The following SVEP1 variants were observed in gnomAD, a reference collection of about 807,000 sequenced individuals.
SVEP1 encodes sushi, von Willebrand factor type A, EGF and pentraxin domain containing 1.
SVEP1 carries 164 observed loss-of-function variants against 367.3 expected under a neutral mutation model. The ratio of observed to expected loss-of-function variants is 0.45; its 90% confidence interval spans 0.39 to 0.51. The LOEUF (loss-of-function observed/expected upper bound fraction) is 0.51. Among genes scored for constraint, SVEP1 ranks in the 20% least tolerant of loss-of-function variants. SVEP1 has a pLI of 0.00. For missense variants in SVEP1, 4,117 were observed against 4,425.3 expected, an observed-to-expected ratio of 0.93 and a Z score of 1.98; for synonymous variants, 1,666 against 1,611.6, an observed-to-expected ratio of 1.03 and a Z score of -0.81.
At chr9:110,414,226 G>C (rs2118514484) in intron 36 of SVEP1, among the ~76,000 whole-genome samples, 2 of 152,068 alleles carry the variant, frequency 1.3e-5, no homozygotes, top group East Asian at 3.9e-4. Flanking sequence ...ATCTCTTTTA[G>C]TTTTATAAAG....
At chr9:110,429,498 T>G (rs1828316969) in intron 34 of SVEP1, among the ~76,000 whole-genome samples, 164 bp from the exon 35 acceptor site, 1 of 152,122 alleles carries the variant, frequency 6.6e-6, no homozygotes, top group African/African-American at 2.4e-5. Flanking sequence ...TTTTCAAGAT[T>G]GAATACTGTA....
intron 1 of SVEP1, among the ~76,000 whole-genome samples, chr9:110,564,704 C>A (rs554419639): frequency 6.6e-6 from 1 of 151,698 alleles, no homozygotes; most frequent in Non-Finnish European, 1.5e-5. Flanking sequence ...CATAAATAAA[C>A]CAGGATGGAG....
At chr9:110,437,973 TC>T (rs761826917) in intron 27 of SVEP1, among the ~76,000 whole-genome samples, 1 of 152,078 alleles carries the variant, frequency 6.6e-6, no homozygotes, top group Non-Finnish European at 1.5e-5. Flanking sequence ...TATAAAGAAC[TC>T]CTCTTACCTA....
chr9:110,384,434 G>A (rs2182747), intron 43 of SVEP1, among the ~76,000 whole-genome samples: 1 of 151,910 alleles, frequency 6.6e-6, no homozygotes, highest in South Asian at 2.1e-4. Flanking sequence ...TGTTCTTCTC[G>A]GTGGGAGGCT....
intron 30 of SVEP1, among the ~76,000 whole-genome samples, chr9:110,433,453 CATTTTGT>C (rs1460236166): frequency 7.2e-6 from 1 of 138,482 alleles, no homozygotes; most frequent in Non-Finnish European, 1.5e-5. Context: ...ACCTAACCCT[CATTTTGT>C]ATTACTTTTT....
intron 3 of SVEP1, among the ~76,000 whole-genome samples, chr9:110,514,525 AAAAAG>A (rs1297384198): frequency 6.6e-6 from 1 of 151,880 alleles, no homozygotes; most frequent in Non-Finnish European, 1.5e-5. Flanking sequence ...AAAAAAAAAA[AAAAAG>A]AAAGAAAGAA....
intron 46 of SVEP1, among the ~76,000 whole-genome samples, chr9:110,372,076 C>T (rs989580871): frequency 6.6e-6 from 1 of 152,180 alleles, no homozygotes; most frequent in African/African-American, 2.4e-5. Context: ...CAGCCACTCC[C>T]CTGCATTTCC....
chr9:110,492,310 TA>T (rs34728964), intron 8 of SVEP1, among the ~76,000 whole-genome samples: 4,328 of 151,788 alleles, frequency 0.029, 203 homozygotes, highest in African/African-American at 0.099. Context: ...TGAAGGGATG[TA>T]AAAAAAACTA....
chr9:110,408,632 C>T lies in SVEP1; in HGVS notation c.6968G>A (p.Cys2323Tyr). 1 of 1,613,974 alleles carries T rather than the reference C, an allele frequency of 6.2e-7. No individual in the cohort carries two copies. The highest frequency in any genetic ancestry group is 8.5e-7 in the Non-Finnish European group (1 of 1,179,904). Residue 2323 changes from cysteine to tyrosine, a missense_variant, in exon 38 of 48, where the codon TGC becomes TAC. Coordinates refer to ENST00000374469, the MANE Select transcript of SVEP1 (RefSeq NM_153366.4). ...GTTTTCCAAGAGGGGCGGCTCTGGG[C>T]ACTTGGCAGGCATGCACTTTGGATT... The part of the protein sequence containing the change: ...KSNPKCMPAK[C>Y]PEPPLLENQL...
chr9:110,434,876 T>C (rs1429118531), intron 29 of SVEP1, among the ~76,000 whole-genome samples: 6 of 151,998 alleles, frequency 3.9e-5, no homozygotes, highest in African/African-American at 1.4e-4. Flanking sequence ...CTTTTCTCCC[T>C]GTGCTACCTG....
At chr9:110,465,325 C>A (rs1013005541) in intron 18 of SVEP1, among the ~76,000 whole-genome samples, 3 of 151,946 alleles carry the variant, frequency 2.0e-5, no homozygotes, top group African/African-American at 7.3e-5. Context: ...CAATTCCCAG[C>A]CTCTACTCAG....
At chr9:110,441,869 T>A (rs1019278766) in intron 27 of SVEP1, among the ~76,000 whole-genome samples, 2 of 152,162 alleles carry the variant, frequency 1.3e-5, no homozygotes, top group Non-Finnish European at 2.9e-5. Flanking sequence ...ATCTCCCCCA[T>A]CCATCTTAAA....
At chr9:110,519,402 T>G (rs1829850522) in intron 3 of SVEP1, among the ~76,000 whole-genome samples, 1 of 152,176 alleles carries the variant, frequency 6.6e-6, no homozygotes, top group Non-Finnish European at 1.5e-5. Context: ...ACTTCTGCAT[T>G]TCTGCCTTCC....
chr9:110,449,469 G>C (rs924229433), intron 24 of SVEP1, among the ~76,000 whole-genome samples: 10 of 152,156 alleles, frequency 6.6e-5, no homozygotes, highest in Non-Finnish European at 1.5e-4. Flanking sequence ...GCTCATCTGA[G>C]GCCAGGAGTT....
intron 20 of SVEP1, chr9:110,458,055 C>T: frequency 4.4e-6 from 2 of 450,500 alleles, no homozygotes; most frequent in South Asian, 3.3e-5. Context: ...TACTTTTCCC[C>T]AAGAAATCTT....
Position 110,469,087 on chromosome 9 carries a change from C to T in SVEP1, c.3013G>A (p.Gly1005Arg). ...AAATGTTCCAGATTATAATAGGTTC[C>T]CAAAGGGCAATTGACTACAGAAAAA... ...RGRMCVNCPL[G>R]TYYNLEHFTC... Residue 1005 changes from glycine to arginine, a missense_variant, in exon 17 of 48, where the codon GGA becomes AGA. By Grantham distance (125) the Gly-to-Arg change is moderately radical (BLOSUM62 -2). This residue lies in a region of SVEP1 where 2,174 missense variants were observed against 2,494.3 expected (regional missense o/e 0.87). Transcript: ENST00000374469. 1 of 1,611,826 alleles carries T rather than the reference C, an allele frequency of 6.2e-7. No individual in the cohort carries two copies. The highest frequency in any genetic ancestry group is 8.5e-7 in the Non-Finnish European group (1 of 1,178,748).
Position 110,539,108 on chromosome 9 carries a change from T to C in SVEP1, c.964+7007A>G, listed in dbSNP as rs1035952241. Among the ~76,000 whole-genome samples the C allele has an allele frequency of 2.0e-5, 3 of 152,214 alleles. No homozygotes were observed. In the South Asian group the frequency reaches 6.2e-4, roughly 32 times the overall value. Reference sequence around the variant, plus strand: ...TTAAAATTCTGGTATTAAAGTTTACTTCTTACTGACATCCTTTTTCTTGAG... The same window carrying C: ...TTAAAATTCTGGTATTAAAGTTTACCTCTTACTGACATCCTTTTTCTTGAG... On this transcript the variant is annotated intron_variant, in intron 3 of 47. Transcript: ENST00000374469.
chr9:110,407,644 A>G lies in SVEP1; in HGVS notation c.7956T>C (p.Tyr2652=). Residue 2652 remains tyrosine (Y), a synonymous_variant, in exon 38 of 48, where the codon TAT becomes TAC. Transcript: ENST00000374469. ...AGGTTTTAGCCACTGCTCCCAAATG[A>G]TAAGGAGGGTGAGGAGTCACATATG... ...EVPYVTPHPP[Y]HLGAVAKTWE... is the part of the protein sequence containing the mutation. 6.2e-7 allele frequency: 1 copy of G among 1,614,016 alleles called. No homozygotes were observed. Among genetic ancestry groups the G allele is most frequent in the Non-Finnish European group, 8.5e-7 (1 of 1,179,896 alleles).
At chr9:110,369,787 G>A (rs1260793748) in intron 47 of SVEP1, 136 bp downstream of exon 47, 1 of 670,362 alleles carries the variant, frequency 1.5e-6, no homozygotes, top group Admixed American at 3.2e-5. Context: ...TAGAGAGCCT[G>A]TCTCAAAATG....
Sources: gnomAD v4.1 joint callset for allele counts (sites outside exome capture counted in the v4.1 genomes callset) on GRCh38, gnomAD v4.1.1 for gene constraint, gnomAD v4.1.1 regional missense constraint, MANE v1.5 for transcripts, NCBI Gene and HGNC (gene_info 2026-07-23, HGNC 2026-07-21) for gene names.